The following CDC23 variants were observed in gnomAD, a reference collection of about 807,000 sequenced individuals.
CDC23 encodes the protein cell division cycle protein 23 homolog.
CDC23 carries 26 observed loss-of-function variants against 81.7 expected under a neutral mutation model. That is an observed-to-expected ratio of 0.32 (90% CI 0.23 to 0.44). The LOEUF (loss-of-function observed/expected upper bound fraction) is 0.44. Ranked by LOEUF, CDC23 falls within the 20% of genes least tolerant of loss-of-function variation. The pLI is 1.00. For synonymous variants in CDC23, 267 were observed against 270.8 expected (o/e 0.99, Z 0.14); for missense variants, 519 against 728.0 (o/e 0.71, Z 3.30).
chr5:138,200,651 C>G (rs1754977377), intron 6 of CDC23, among the ~76,000 whole-genome samples: 1 of 152,066 alleles, frequency 6.6e-6, no homozygotes, highest in Non-Finnish European at 1.5e-5. Context: ...GAAACCCCAT[C>G]TCTACTAAAA....
chr5:138,207,655 A>G (rs1755066475), intron 2 of CDC23, among the ~76,000 whole-genome samples: 1 of 152,172 alleles, frequency 6.6e-6, no homozygotes, highest in African/African-American at 2.4e-5. Flanking sequence ...ATAATGTCAC[A>G]TTTAAGTTAA....
chr5:138,206,488 T>C (rs1293925157), intron 3 of CDC23, 59 bp downstream of exon 3: 39 of 1,586,050 alleles, frequency 2.5e-5, no homozygotes, highest in Non-Finnish European at 3.3e-5. Flanking sequence ...AACTTTTCCA[T>C]TGGTTCTAAA....
intron 9 of CDC23, among the ~76,000 whole-genome samples, chr5:138,195,403 C>T (rs1025887269): frequency 6.7e-6 from 1 of 148,566 alleles, no homozygotes; most frequent in Admixed American, 7.0e-5. Flanking sequence ...TCCAAGATTA[C>T]ACAGCTAGTT....
chr5:138,196,727 C>T (rs1754912439), intron 9 of CDC23, among the ~76,000 whole-genome samples: 1 of 151,508 alleles, frequency 6.6e-6, no homozygotes, highest in Admixed American at 6.6e-5. Context: ...ACTACAGGCG[C>T]CCGCCACCAC....
Position 138,195,571 on chromosome 5 carries a change from T to C in CDC23, c.1012+2628A>G, listed in dbSNP as rs1358766109. On this transcript the variant is annotated intron_variant, in intron 9 of 15. Transcript: ENST00000394886. Reference sequence around the variant, plus strand: ...AATATAATTATATATAATATATTTATATATAATATATTATATATAATATAT... The same window carrying C: ...AATATAATTATATATAATATATTTACATATAATATATTATATATAATATAT... Among the ~76,000 whole-genome samples the C allele has an allele frequency of 1.7e-3, 200 of 114,976 alleles. 1 individual carries two copies. The highest frequency in any genetic ancestry group is 2.4e-3 in the Non-Finnish European group (146 of 60,096). The allele number at this position is 114,976 out of a possible 152,430, so 75.4% of individuals were successfully genotyped here.
rs34002952 is a variant in CDC23 at position 138,196,890 on chromosome 5, CTTTTTTTTTT to C, written c.1012+1299_1012+1308del. 3.5e-5 allele frequency among the ~76,000 whole-genome samples: 4 copies of C among 113,422 alleles called. No homozygotes were observed. The South Asian group carries it at 9.1e-4, about 26-fold the overall frequency. 74.4% of individuals were successfully genotyped at this position (113,422 alleles called of 152,430 possible). On this transcript the variant is annotated intron_variant, in intron 9 of 15. Transcript: ENST00000394886. ...CCACCGCGCCTGGCCTTTTTTTTTC[CTTTTTTTTTT>C]TTTTTTTTTTTTTAAATAGAGACAG...
intron 4 of CDC23, 50 bp from the exon 5 acceptor site, chr5:138,201,498 T>G: frequency 8.2e-7 from 1 of 1,226,906 alleles, no homozygotes; most frequent in South Asian, 1.4e-5. Context: ...CTGGTTTTCA[T>G]TTTCTTATTT....
intron 13 of CDC23, 63 bp from the exon 14 acceptor site, chr5:138,189,969 G>T: frequency 1.0e-5 from 15 of 1,470,166 alleles, no homozygotes; most frequent in Non-Finnish European, 1.4e-5. Context: ...GATAAAAAAA[G>T]TAAAAGTACA....
At chr5:138,211,805 A>C (rs1318045517) in intron 2 of CDC23, among the ~76,000 whole-genome samples, 3 of 152,354 alleles carry the variant, frequency 2.0e-5, no homozygotes, top group African/African-American at 7.2e-5. Flanking sequence ...CTGAATCTAA[A>C]ATTTAAACAA....
chr5:138,192,408 G>A lies in CDC23; in HGVS notation c.1167-20C>T, dbSNP rs753505925. 4 of 1,614,040 alleles carry A rather than the reference G, an allele frequency of 2.5e-6. No individual in the cohort carries two copies. The highest frequency in any genetic ancestry group is 2.7e-5 in the African/African-American group (2 of 74,910). On this transcript the variant is annotated intron_variant, in intron 10 of 15. Transcript: ENST00000394886. ...GCATGTCTAAGAAATGGAAAAGACA[G>A]GTTGTTAAGAAGGCAGAATCAAGGT...
At chr5:138,197,520 G>A (rs1308958964) in intron 9 of CDC23, among the ~76,000 whole-genome samples, 4 of 144,398 alleles carry the variant, frequency 2.8e-5, no homozygotes, top group East Asian at 4.0e-4. Flanking sequence ...TTTTTGAGAC[G>A]GAGTCTCACT....
At chr5:138,192,711 C>A in intron 9 of CDC23, 54 bp from the exon 10 acceptor site, 1 of 1,535,176 alleles carries the variant, frequency 6.5e-7, no homozygotes, top group Non-Finnish European at 8.9e-7. Context: ...AAATAAAAGT[C>A]CATTAAAATA....
chr5:138,191,988 T>C (rs1304706651), intron 11 of CDC23, 51 bp from the exon 12 acceptor site: 2 of 1,519,692 alleles, frequency 1.3e-6, no homozygotes, highest in Non-Finnish European at 1.8e-6. Flanking sequence ...GAAACTGAAG[T>C]TCTCTTTTGA....
In CDC23 at chr5:138,187,749, C is replaced by A. The variant is rs2863; in HGVS notation, c.*1229G>T. 5,821 of 223,088 alleles carry A rather than the reference C, an allele frequency of 0.026. 120 individuals carry two copies. The highest frequency in any genetic ancestry group is 0.04 in the Non-Finnish European group (4,425 of 110,652). 13.8% of individuals were successfully genotyped at this position (223,088 alleles called of 1,614,324 possible). Reference sequence around the variant, plus strand: ...TTAAGAATCAAACATCATTCTGGACCATGGGAACCTTGAAAAGGCATGGCA... The same window carrying A: ...TTAAGAATCAAACATCATTCTGGACAATGGGAACCTTGAAAAGGCATGGCA... On this transcript the variant is annotated 3_prime_UTR_variant, in exon 16 of 16. Transcript: ENST00000394886.
rs544042754 is a variant in CDC23 at position 138,210,071 on chromosome 5, C to A, written c.234+2920G>T. ...TCTACTAAAAATACAAAAAAATTAG[C>A]CAGGTGTTGTGGCATGCACCTGTAA... is the stretch of plus-strand genomic sequence containing the variant. On this transcript the variant is annotated intron_variant, in intron 2 of 15. Transcript: ENST00000394886. Among the ~76,000 whole-genome samples, 3 of 151,624 alleles carry A rather than the reference C, an allele frequency of 2.0e-5. No homozygotes were observed. In the South Asian group the frequency reaches 6.3e-4, roughly 32 times the overall value.
intron 2 of CDC23, among the ~76,000 whole-genome samples, chr5:138,207,458 G>C (rs1331810015): frequency 6.6e-6 from 1 of 152,144 alleles, no homozygotes; most frequent in Non-Finnish European, 1.5e-5. Flanking sequence ...AGGAAAATGT[G>C]AGTCACATAA....
chr5:138,189,978 C>T lies in CDC23; in HGVS notation c.1425-72G>A, dbSNP rs139814355. ...CTTAGTGATAAAAAAAGTAAAAGTA[C>T]ATAAGACCAAAAAAAACAATACATA... On this transcript the variant is annotated intron_variant, in intron 13 of 15. Coordinates refer to ENST00000394886, the MANE Select transcript of CDC23 (RefSeq NM_004661.4). 46 of 1,314,974 alleles carry T rather than the reference C, an allele frequency of 3.5e-5. No homozygotes were observed. The African/African-American group carries it at 5.6e-4, about 16-fold the overall frequency. 81.5% of individuals were successfully genotyped at this position (1,314,974 alleles called of 1,614,324 possible).
intron 10 of CDC23, 26 bp downstream of exon 10, chr5:138,192,478 C>T (rs1325350882): frequency 6.2e-6 from 10 of 1,613,218 alleles, no homozygotes; most frequent in Non-Finnish European, 7.6e-6. Context: ...GCAATCTGCT[C>T]TACCTCACCA....
Position 138,209,693 on chromosome 5 carries a change from C to A in CDC23, c.235-3009G>T, listed in dbSNP as rs191985601. On this transcript the variant is annotated intron_variant, in intron 2 of 15. Coordinates refer to ENST00000394886, the MANE Select transcript of CDC23 (RefSeq NM_004661.4). ...TACAAAAATTAGCCAGGCGTGGTGG[C>A]ACATTCGGTAATCCCGGCTATTCGG... Among the ~76,000 whole-genome samples the A allele has an allele frequency of 1.3e-5, 2 of 150,212 alleles. 1 individual carries two copies. Among genetic ancestry groups the A allele is most frequent in the Admixed American group, 1.3e-4 (2 of 15,032 alleles).
Sources: allele counts gnomAD v4.1 joint callset (sites outside exome capture counted in the v4.1 genomes callset), GRCh38; gene constraint gnomAD v4.1.1; transcripts MANE v1.5; gene names NCBI Gene and HGNC (gene_info 2026-07-23, HGNC 2026-07-21).